Variants in RBMS3 observed in about 807,000 individuals in gnomAD.
RBMS3 encodes RNA binding motif single stranded interacting protein 3, also known as RNA-binding motif, single-stranded-interacting protein 3.
A neutral mutation model predicts 66.8 loss-of-function variants in RBMS3; 27 were observed. The ratio of observed to expected loss-of-function variants is 0.40; its 90% CI spans 0.30 to 0.56. The LOEUF is 0.56. Ranked by LOEUF, RBMS3 falls within the 20% of genes least tolerant of loss-of-function variation. RBMS3 has a pLI of 0.40. For synonymous variants in RBMS3, 188 were observed against 183.0 expected (o/e 1.03, Z -0.22); for missense variants, 513 against 549.5 (o/e 0.93, Z 0.66).
chr3:29,662,739 T>C (rs1300935819), intron 4 of RBMS3, among the ~76,000 whole-genome samples: 1 of 152,162 alleles, frequency 6.6e-6, no homozygotes, highest in Non-Finnish European at 1.5e-5. Context: ...TTCTTCTCCA[T>C]GGGAAACCAG....
chr3:29,793,904 A>G lies in RBMS3; in HGVS notation c.637+30915A>G, dbSNP rs9869750. Among the ~76,000 whole-genome samples the G allele has an allele frequency of 2.1e-3, 323 of 152,296 alleles. 3 individuals are homozygous for G. Among genetic ancestry groups the G allele is most frequent in the African/African-American group, 7.4e-3 (308 of 41,568 alleles). ...GGGTCATGGAAGTGGCTCTCTCATG[A>G]ATCGCTTGGTGCTACCCTAACAATA... On this transcript the variant is annotated intron_variant, in intron 6 of 14. Coordinates refer to ENST00000383767, the MANE Select transcript of RBMS3 (RefSeq NM_001003793.3).
At chr3:29,994,687 T>C (rs377009619) in intron 14 of RBMS3, among the ~76,000 whole-genome samples, 3 of 152,002 alleles carry the variant, frequency 2.0e-5, no homozygotes, top group Admixed American at 6.6e-5. Flanking sequence ...CGGCAGGGTA[T>C]TCCAACAGAC....
At chr3:29,361,635 C>T (rs1297228625) in intron 1 of RBMS3, among the ~76,000 whole-genome samples, 1 of 152,198 alleles carries the variant, frequency 6.6e-6, no homozygotes, top group South Asian at 2.1e-4. Flanking sequence ...TAATATCTTG[C>T]AGAGTGTTTT....
At position 29,936,311 on chromosome 3, in the gene RBMS3, CAT is replaced by C. The variant is rs1209707171; in HGVS notation, c.1050+116_1050+117del. 6 of 979,888 alleles carry C rather than the reference CAT, an allele frequency of 6.1e-6. No homozygotes were observed. The African/African-American group carries it at 8.1e-5, about 13-fold the overall frequency. 60.7% of individuals were successfully genotyped at this position (979,888 alleles called of 1,614,324 possible). ...TCTGTACCATATTCGTTGACTAACA[CAT>C]CTTTCAGGTTTCAGTATGAATAAGC... On this transcript the variant is annotated intron_variant, in intron 11 of 14. Transcript: ENST00000383767.
intron 4 of RBMS3, among the ~76,000 whole-genome samples, chr3:29,664,299 C>G (rs929534564): frequency 2.6e-5 from 4 of 152,052 alleles, no homozygotes; most frequent in Non-Finnish European, 2.9e-5. Context: ...ACCATCCTAG[C>G]CAACATGGTG....
intron 1 of RBMS3, among the ~76,000 whole-genome samples, chr3:29,430,812 G>A (rs2053281): frequency 0.13 from 16,299 of 126,674 alleles, 1,185 homozygotes; most frequent in East Asian, 0.33. Flanking sequence ...AAGCCTGAAT[G>A]CAGAATGGAA....
At chr3:29,699,751 A>G (rs1354793581) in intron 4 of RBMS3, among the ~76,000 whole-genome samples, 1 of 152,170 alleles carries the variant, frequency 6.6e-6, no homozygotes, top group Non-Finnish European at 1.5e-5. Context: ...TTACACCCCC[A>G]TACATATTGC....
chr3:29,870,535 A>G (rs2059466148), intron 7 of RBMS3, among the ~76,000 whole-genome samples: 1 of 152,100 alleles, frequency 6.6e-6, no homozygotes, highest in Admixed American at 6.6e-5. Flanking sequence ...CTCTCACTGT[A>G]CATTTCTTGA....
At chr3:29,522,649 T>A (rs1469776800) in intron 3 of RBMS3, among the ~76,000 whole-genome samples, 1 of 152,042 alleles carries the variant, frequency 6.6e-6, no homozygotes, top group Non-Finnish European at 1.5e-5. Context: ...GGCTGCCAGG[T>A]GGGAGTTGGT....
At chr3:29,836,665 G>A (rs2058515697) in intron 6 of RBMS3, among the ~76,000 whole-genome samples, 1 of 151,664 alleles carries the variant, frequency 6.6e-6, no homozygotes, top group South Asian at 2.1e-4. Flanking sequence ...ATAATATATT[G>A]GATACTTGAA....
At chr3:29,781,530 T>C (rs2056631208) in intron 6 of RBMS3, among the ~76,000 whole-genome samples, 1 of 152,200 alleles carries the variant, frequency 6.6e-6, no homozygotes, top group East Asian at 1.9e-4. Context: ...TTTATAAAAA[T>C]TTTGGTATTA....
chr3:29,687,413 T>C (rs1247557171), intron 4 of RBMS3, among the ~76,000 whole-genome samples: 1 of 152,238 alleles, frequency 6.6e-6, no homozygotes, highest in Non-Finnish European at 1.5e-5. Flanking sequence ...TAGTTAGTTT[T>C]GACAAGGTTA....
chr3:29,346,560 T>G (rs760180650), intron 1 of RBMS3, among the ~76,000 whole-genome samples: 2 of 151,888 alleles, frequency 1.3e-5, no homozygotes, highest in Admixed American at 6.6e-5. Context: ...CCGACCACCA[T>G]GCCCAGCTAA....
chr3:29,431,301 C>CTTTTTTTTTTTT lies in RBMS3; in HGVS notation c.76-3441_76-3430dup, dbSNP rs548031550. Among the ~76,000 whole-genome samples, 16 of 132,378 alleles carry CTTTTTTTTTTTT rather than the reference C, an allele frequency of 1.2e-4. 2 individuals are homozygous for CTTTTTTTTTTTT. Among genetic ancestry groups the CTTTTTTTTTTTT allele is most frequent in the African/African-American group, 2.3e-4 (8 of 35,028 alleles). The allele number at this position is 132,378 out of a possible 152,430, so 86.8% of individuals were successfully genotyped here. On this transcript the variant is annotated intron_variant, in intron 1 of 14. Transcript: ENST00000383767. ...TGTTTCTTTCTTTCTTTTTCCTTTT[C>CTTTTTTTTTTTT]TTTTTTTTTTTTGACAGAGTCTCAC...
chr3:29,355,760 CA>C (rs1174409842), intron 1 of RBMS3, among the ~76,000 whole-genome samples: 1 of 151,530 alleles, frequency 6.6e-6, no homozygotes. Flanking sequence ...TTTTCCCCCA[CA>C]AAGAAAAAAT....
intron 2 of RBMS3, among the ~76,000 whole-genome samples, chr3:29,455,594 A>C (rs1457673507): frequency 6.6e-6 from 1 of 152,186 alleles, no homozygotes; most frequent in Non-Finnish European, 1.5e-5. Flanking sequence ...TTGTTAATTC[A>C]TTGACATTTG....
At chr3:29,296,628 T>A (rs1236019795) in intron 1 of RBMS3, among the ~76,000 whole-genome samples, 1 of 151,816 alleles carries the variant, frequency 6.6e-6, no homozygotes, top group Non-Finnish European at 1.5e-5. Context: ...ATTTAATATG[T>A]GATGCTGGGA....
At chr3:29,859,020 T>C (rs774952472) in intron 6 of RBMS3, among the ~76,000 whole-genome samples, 87 of 152,348 alleles carry the variant, frequency 5.7e-4, no homozygotes, top group Non-Finnish European at 8.4e-4. Context: ...ATATAAGCAG[T>C]AATCCATTAC....
At chr3:29,798,466 G>A (rs761870863) in intron 6 of RBMS3, among the ~76,000 whole-genome samples, 1 of 152,016 alleles carries the variant, frequency 6.6e-6, no homozygotes, top group Admixed American at 6.6e-5. Context: ...AGGGAGAAAG[G>A]AAGGAAAGAA....
Sources: gnomAD v4.1 joint callset for allele counts (sites outside exome capture counted in the v4.1 genomes callset) on GRCh38, gnomAD v4.1.1 for gene constraint, MANE v1.5 for transcripts, NCBI Gene and HGNC (gene_info 2026-07-23, HGNC 2026-07-21) for gene names.